Variants in HYDIN observed in about 807,000 individuals in gnomAD.
The protein encoded by HYDIN is axonemal central pair apparatus protein HYDIN.
Under a neutral mutation model 403.9 loss-of-function variants are expected in HYDIN, and 132 were observed. The ratio of observed to expected loss-of-function variants is 0.33; its 90% CI spans 0.28 to 0.38. The LOEUF is 0.38. HYDIN is among the 10% of genes least tolerant of loss of function. The pLI, the probability that HYDIN is intolerant of heterozygous loss-of-function variation, is 1.00. For missense variants in HYDIN, 2,827 were observed against 5,009.5 expected (o/e 0.56, Z 13.15); for synonymous variants, 1,202 against 1,891.7 (o/e 0.64, Z 9.46).
In HYDIN at chr16:71,175,051, GCACCACCACCATCTACACCACCAT is replaced by G. The variant is rs1377594051; in HGVS notation, c.516+532_516+555del. 3.5e-5 allele frequency among the ~76,000 whole-genome samples: 5 copies of G among 141,404 alleles called. No homozygotes were observed. In the South Asian group the frequency reaches 6.9e-4, roughly 19 times the overall value. The allele number at this position is 141,404 out of a possible 152,430, so 92.8% of individuals were successfully genotyped here. A position where few individuals can be genotyped will look rare whatever the true frequency, so the allele number is the denominator to read the frequency against. ...ACCGCCTATACCACCATCAATGACA[GCACCACCACCATCTACACCACCAT>G]CACCACCACCATCTACACCACCACC... On this transcript the variant is annotated intron_variant, in intron 5 of 85. Coordinates refer to ENST00000393567, the MANE Select transcript of HYDIN (RefSeq NM_001270974.2).
At chr16:71,189,997 G>C (rs2087349027) in intron 1 of HYDIN, among the ~76,000 whole-genome samples, 1 of 152,000 alleles carries the variant, frequency 6.6e-6, no homozygotes, top group Non-Finnish European at 1.5e-5. Flanking sequence ...TTTATATTAA[G>C]AAACCCTATA....
chr16:71,159,915 T>A (rs1439822048), intron 6 of HYDIN, among the ~76,000 whole-genome samples: 1 of 145,450 alleles, frequency 6.9e-6, no homozygotes, highest in Non-Finnish European at 1.5e-5. Context: ...CAAGAAATAT[T>A]AAAGGTAGTT....
At chr16:71,082,295 A>G (rs992440458) in intron 12 of HYDIN, among the ~76,000 whole-genome samples, 4 of 152,186 alleles carry the variant, frequency 2.6e-5, no homozygotes, top group Non-Finnish European at 5.9e-5. Flanking sequence ...TCATGACACT[A>G]GATTTTTAAC....
chr16:71,141,057 A>G (rs962923920), intron 7 of HYDIN, among the ~76,000 whole-genome samples: 1 of 151,952 alleles, frequency 6.6e-6, no homozygotes, highest in African/African-American at 2.4e-5. Flanking sequence ...AAAAACATCT[A>G]TAAAATAGAA....
intron 1 of HYDIN, among the ~76,000 whole-genome samples, chr16:71,207,291 G>T (rs1305899955): frequency 6.6e-6 from 1 of 152,126 alleles, no homozygotes; most frequent in Non-Finnish European, 1.5e-5. Context: ...TTAAAGAAAA[G>T]AAATTCAAAC....
Position 70,804,916 on chromosome 16 carries a change from AC to A in HYDIN, c.*2663del, listed in dbSNP as rs2143404559. On this transcript the variant is annotated 3_prime_UTR_variant, in exon 86 of 86. Coordinates refer to ENST00000393567, the MANE Select transcript of HYDIN (RefSeq NM_001270974.2). ...GAAGTTGGGGGAGTTGCCCCTAGCC[AC>A]CCCAAGGCTGGCTATAAGCCATGCT... 6.6e-6 allele frequency among the ~76,000 whole-genome samples: 1 copy of A among 152,302 alleles called. No homozygotes were observed. Among genetic ancestry groups the A allele is most frequent in the Non-Finnish European group, 1.5e-5 (1 of 68,022 alleles).
intron 13 of HYDIN, among the ~76,000 whole-genome samples, chr16:71,079,226 T>C (rs2082710419): frequency 6.6e-6 from 1 of 152,180 alleles, no homozygotes; most frequent in South Asian, 2.1e-4. Context: ...GATGTTTTTC[T>C]TCAGTTTAGA....
At chr16:70,965,294 G>C (rs1597430944) in intron 36 of HYDIN, among the ~76,000 whole-genome samples, 4 of 151,968 alleles carry the variant, frequency 2.6e-5, no homozygotes, top group Non-Finnish European at 4.4e-5. Flanking sequence ...CAAGGGTGTG[G>C]TCTCATAAAC....
At chr16:71,014,592 G>A (rs1275477890) in intron 23 of HYDIN, among the ~76,000 whole-genome samples, 6 of 148,150 alleles carry the variant, frequency 4.0e-5, no homozygotes, top group South Asian at 2.2e-4. Context: ...TAGTTTGATC[G>A]GAGTGAATCT....
rs1325621106 is a variant in HYDIN at position 70,805,697 on chromosome 16, T to A, written c.*1883A>T. Among the ~76,000 whole-genome samples, 1 of 152,230 alleles carries A rather than the reference T, an allele frequency of 6.6e-6. No individual in the cohort carries two copies. The highest frequency in any genetic ancestry group is 6.5e-5 in the Admixed American group (1 of 15,286). The stretch of plus-strand genomic sequence containing the variant: ...CCTCTCAGATTATTGGTCAGAGCGA[T>A]CTTTGCTCACTTAACCATTGTGAAA... On this transcript the variant is annotated 3_prime_UTR_variant, in exon 86 of 86. Transcript: ENST00000393567.
At chr16:71,175,805 A>G (rs1777999857) in intron 4 of HYDIN, 64 bp from the exon 5 acceptor site, 1 of 1,541,810 alleles carries the variant, frequency 6.5e-7, no homozygotes, top group Non-Finnish European at 9.0e-7. Context: ...ACACAGACTG[A>G]AATCCATCAA....
chr16:70,996,509 C>T (rs1289639358), intron 23 of HYDIN, among the ~76,000 whole-genome samples: 2 of 151,814 alleles, frequency 1.3e-5, no homozygotes, highest in African/African-American at 4.8e-5. Context: ...ACTATGGGGC[C>T]TGGGGGCTGT....
chr16:70,941,038 C>A (rs879564325), intron 43 of HYDIN, among the ~76,000 whole-genome samples: 1 of 150,694 alleles, frequency 6.6e-6, no homozygotes, highest in Admixed American at 6.6e-5. Flanking sequence ...TTCAATCAAA[C>A]CTTTCAGTTA....
rs575186280 is a variant in HYDIN, at chr16:71,183,705, A to G, written c.261+1160T>C. 2.6e-5 allele frequency among the ~76,000 whole-genome samples: 4 copies of G among 152,312 alleles called. No homozygotes were observed. In the South Asian group the frequency reaches 8.3e-4, roughly 32 times the overall value. ...GCAAGACACAAATATTATCAAACACATAAAACAAAGAAATACAGTCTTCAT... is the reference window on the plus strand; with the variant it reads ...GCAAGACACAAATATTATCAAACACGTAAAACAAAGAAATACAGTCTTCAT... On this transcript the variant is annotated intron_variant, in intron 3 of 85. Transcript: ENST00000393567.
intron 13 of HYDIN, among the ~76,000 whole-genome samples, chr16:71,070,456 T>C (rs2082432052): frequency 6.7e-6 from 1 of 150,050 alleles, no homozygotes; most frequent in African/African-American, 2.5e-5. Flanking sequence ...GTAGCTGGGA[T>C]TACAGGTGTG....
intron 1 of HYDIN, among the ~76,000 whole-genome samples, chr16:71,201,418 T>TC (rs1480047447): frequency 1.3e-5 from 2 of 152,016 alleles, no homozygotes. Flanking sequence ...CCTGCATCCA[T>TC]CCCCCCAACC....
intron 84 of HYDIN, among the ~76,000 whole-genome samples, chr16:70,812,984 G>A (rs1001499608): frequency 2.6e-4 from 39 of 151,328 alleles, no homozygotes; most frequent in Admixed American, 2.0e-3. Context: ...ACAGAGTCTC[G>A]CTCTGTCACC....
rs568111689 is a variant in HYDIN, at chr16:70,839,879, C to T, written c.13043+185G>A. ...AAAGAGGATTTTTAGCAGGGTAGCT[C>T]GTGGCTATCCAAGTATTAGTGTTAG... On this transcript the variant is annotated intron_variant, in intron 76 of 85. Coordinates refer to ENST00000393567, the MANE Select transcript of HYDIN (RefSeq NM_001270974.2). Among the ~76,000 whole-genome samples, 41 of 146,586 alleles carry T rather than the reference C, an allele frequency of 2.8e-4. No homozygotes were observed. The East Asian group carries it at 7.8e-3, about 28-fold the overall frequency.
intron 57 of HYDIN, among the ~76,000 whole-genome samples, chr16:70,891,141 A>G (rs1196282223): frequency 6.6e-6 from 1 of 152,196 alleles, no homozygotes; most frequent in Non-Finnish European, 1.5e-5. Flanking sequence ...GTGGGCTCAC[A>G]CCAAGATCTA....
Sources: allele counts gnomAD v4.1 joint callset (sites outside exome capture counted in the v4.1 genomes callset), GRCh38; gene constraint gnomAD v4.1.1; transcripts MANE v1.5; gene names NCBI Gene and HGNC (gene_info 2026-07-23, HGNC 2026-07-21).